SPMIP7: variants seen among roughly 807,000 people sequenced by gnomAD.
The protein encoded by SPMIP7 is protein SPMIP7.
chr7:50,157,790 C>T, the SPMIP7 span, among the ~76,000 whole-genome samples: 1 of 152,168 alleles, frequency 6.6e-6, no homozygotes, highest in Non-Finnish European at 1.5e-5. Context: ...GGCCCAACTC[C>T]TGTGACACTA....
chr7:50,125,113 T>C, the SPMIP7 span, among the ~76,000 whole-genome samples: 269 of 29,270 alleles, frequency 9.2e-3, 29 homozygotes, highest in African/African-American at 0.051. Context: ...TATATATATA[T>C]ATACACACAC....
chr7:50,100,745 G>A, the SPMIP7 span, among the ~76,000 whole-genome samples: 2 of 151,862 alleles, frequency 1.3e-5, no homozygotes, highest in African/African-American at 4.8e-5. Context: ...CTGGTAGGCA[G>A]AGCTTGCAGT....
the SPMIP7 span, among the ~76,000 whole-genome samples, chr7:50,150,029 C>A: frequency 6.6e-6 from 1 of 152,134 alleles, no homozygotes; most frequent in East Asian, 1.9e-4. Context: ...CCCTTAAGCA[C>A]ACACCCCTTT....
chr7:50,096,421 T>C, the SPMIP7 span: 8 of 1,551,778 alleles, frequency 5.2e-6, no homozygotes, highest in African/African-American at 4.1e-5. Flanking sequence ...GGTTTATGAG[T>C]CCTGGTGGTG....
At chr7:50,145,659 T>TATATATAC in the SPMIP7 span, among the ~76,000 whole-genome samples, 1 of 111,970 alleles carries the variant, frequency 8.9e-6, no homozygotes, top group East Asian at 2.4e-4. Flanking sequence ...TATATATATA[T>TATATATAC]ACATCTTACA....
At chr7:50,139,423 AC>A in the SPMIP7 span, among the ~76,000 whole-genome samples, 1 of 152,094 alleles carries the variant, frequency 6.6e-6, no homozygotes, top group Non-Finnish European at 1.5e-5. Context: ...CCATTTGAAT[AC>A]ATTTTTTAAA....
the SPMIP7 span, among the ~76,000 whole-genome samples, chr7:50,135,844 T>C: frequency 1.3e-5 from 2 of 152,142 alleles, no homozygotes; most frequent in East Asian, 3.8e-4. Flanking sequence ...GGTTTCGGTA[T>C]GAAACAGGTG....
chr7:50,111,359 A>G, the SPMIP7 span, among the ~76,000 whole-genome samples: 2 of 152,098 alleles, frequency 1.3e-5, no homozygotes, highest in Admixed American at 6.6e-5. Flanking sequence ...TCTAATTTAC[A>G]TAGGGCACAC....
the SPMIP7 span, among the ~76,000 whole-genome samples, chr7:50,136,998 T>G: frequency 6.6e-6 from 1 of 152,172 alleles, no homozygotes; most frequent in East Asian, 1.9e-4. Context: ...CATATCTATC[T>G]TCCTCGTGGA....
the SPMIP7 span, among the ~76,000 whole-genome samples, chr7:50,108,695 C>T: frequency 3.3e-5 from 5 of 152,074 alleles, no homozygotes; most frequent in African/African-American, 1.2e-4. Flanking sequence ...ATTGTACCTA[C>T]CCTGATATTT....
chr7:50,130,978 G>A, the SPMIP7 span, among the ~76,000 whole-genome samples: 3 of 152,242 alleles, frequency 2.0e-5, no homozygotes, highest in South Asian at 2.1e-4. Context: ...TTAAGCAATT[G>A]TAATTTTACC....
chr7:50,107,396 G>GAAA, the SPMIP7 span, among the ~76,000 whole-genome samples: 1 of 53,414 alleles, frequency 1.9e-5, no homozygotes, highest in African/African-American at 7.3e-5. Flanking sequence ...GAAAAGAAAA[G>GAAA]AAAAAGAAAA....
At chr7:50,139,132 C>T in the SPMIP7 span, among the ~76,000 whole-genome samples, 2 of 152,040 alleles carry the variant, frequency 1.3e-5, no homozygotes, top group South Asian at 2.1e-4. Flanking sequence ...AGGCAGATCA[C>T]GAGGTCAGGA....
the SPMIP7 span, among the ~76,000 whole-genome samples, chr7:50,111,845 A>G: frequency 6.6e-6 from 1 of 152,192 alleles, no homozygotes; most frequent in African/African-American, 2.4e-5. Context: ...CACAAAATGA[A>G]TAGAAGAAAA....
At chr7:50,120,289 A>T in the SPMIP7 span, 1 of 152,200 alleles carries the variant, frequency 6.6e-6, no homozygotes, top group Admixed American at 6.5e-5. Context: ...TTGTTGGTAG[A>T]TGGTGCCAGT....
At chr7:50,148,515 G>A in the SPMIP7 span, among the ~76,000 whole-genome samples, 26 of 152,166 alleles carry the variant, frequency 1.7e-4, no homozygotes, top group Admixed American at 2.6e-4. Context: ...TTCAAAGGCA[G>A]TGGAAAAAAC....
the SPMIP7 span, among the ~76,000 whole-genome samples, chr7:50,141,117 T>C: frequency 8.5e-5 from 13 of 152,356 alleles, no homozygotes; most frequent in Admixed American, 8.5e-4. Flanking sequence ...ATCTTTATAT[T>C]TTTTAAGGAA....
the SPMIP7 span, chr7:50,134,374 G>T: frequency 1.4e-6 from 1 of 730,522 alleles, no homozygotes; most frequent in East Asian, 3.0e-5. Context: ...TGTAAGATAA[G>T]TAAATATATA....
At chr7:50,145,079 T>C in the SPMIP7 span, among the ~76,000 whole-genome samples, 37 of 151,870 alleles carry the variant, frequency 2.4e-4, no homozygotes, top group East Asian at 6.4e-3. Flanking sequence ...CTGGCCAACA[T>C]GGTGAAACCC....
Sources: gnomAD v4.1 joint callset for allele counts (sites outside exome capture counted in the v4.1 genomes callset) on GRCh38, gnomAD v4.1.1 for gene constraint, MANE v1.5 for transcripts, NCBI Gene and HGNC (gene_info 2026-07-23, HGNC 2026-07-21) for gene names.